RNASE11: variants seen among roughly 807,000 people sequenced by gnomAD.
The protein encoded by RNASE11 is putative inactive ribonuclease 11.
For synonymous variants in RNASE11, 105 were observed against 86.1 expected, an observed-to-expected ratio of 1.22 and a Z score of -1.21; for missense variants, 252 against 237.8, an observed-to-expected ratio of 1.06 and a Z score of -0.39.
At chr14:20,583,920 T>C in exon 2 of RNASE11, 3 of 1,614,022 alleles carry the variant, frequency 1.9e-6, no homozygotes, top group South Asian at 2.2e-5. Context: ...GAGAATGACC[T>C]GTCAGCACTG....
upstream of RNASE11, chr14:20,590,172 CT>C (rs1884536755): frequency 6.6e-7 from 1 of 1,510,372 alleles, no homozygotes. Context: ...GTGGCTTCCC[CT>C]TCCGCTCAAG....
chr14:20,583,287 G>C (rs922324681), downstream of RNASE11: 5 of 152,318 alleles, frequency 3.3e-5, no homozygotes, highest in African/African-American at 1.2e-4. Flanking sequence ...AAATAGAGAT[G>C]GGGGTGGAAG....
At position 20,584,851 on chromosome 14, in the gene RNASE11, T is replaced by C. The variant is rs556347230; in HGVS notation, c.-22-355A>G. ...TCATTGGTGGGGTGTATAATCTCCA[T>C]GGTGGGTCACGATTCTCACTCAACA... On this transcript the variant is annotated intron_variant, in intron 1 of 1. Transcript: ENST00000553849. Among the ~76,000 whole-genome samples, 9 of 152,336 alleles carry C rather than the reference T, an allele frequency of 5.9e-5. No individual in the cohort carries two copies. In the South Asian group the frequency reaches 1.9e-3, roughly 32 times the overall value.
Position 20,584,378 on chromosome 14 carries a change from C to A in RNASE11, c.97G>T (p.Glu33Ter). 6.2e-7 allele frequency: 1 copy of A among 1,614,122 alleles called. No homozygotes were observed. Among genetic ancestry groups the A allele is most frequent in the East Asian group, 2.2e-5 (1 of 44,890 alleles). Reference sequence around the variant, plus strand: ...TTTGCCATGTCATATTGCATCTCTTCGTCTGTAAATTCTTCTTTAATTATC... The same window carrying A: ...TTTGCCATGTCATATTGCATCTCTTAGTCTGTAAATTCTTCTTTAATTATC... The change falls in exon 2 of 2, where the codon GAA (glutamate) becomes TAA (stop). Residue 33 changes from glutamate (E) to a stop codon, truncating the protein, a stop_gained. Transcript: ENST00000553849. LOFTEE classifies it low-confidence loss of function (END_TRUNC).
At chr14:20,587,037 C>T (rs1884450057) in intron 1 of RNASE11, among the ~76,000 whole-genome samples, 2 of 152,166 alleles carry the variant, frequency 1.3e-5, no homozygotes, top group African/African-American at 4.8e-5. Context: ...CCTATAGTCC[C>T]AGCCACTCGG....
exon 2 of RNASE11, chr14:20,583,731 TG>T: frequency 1.3e-6 from 1 of 784,034 alleles, no homozygotes. Flanking sequence ...TCCACAATTT[TG>T]GATTTTTCAC....
At chr14:20,583,469 T>TCTCGGTG, downstream of RNASE11, 1 of 185,382 alleles carries the variant, frequency 5.4e-6, no homozygotes, top group Admixed American at 5.3e-5. Flanking sequence ...TAATAATATA[T>TCTCGGTG]GTCACACTCA....
In RNASE11 at chr14:20,583,944, T is replaced by C. The variant is rs142227946; in HGVS notation, c.531A>G (p.Leu177=). ...CTGTCAGCACTGTCAATATCTTCTC[T>C]AATGAGGTAACACTATGGTATTGGC... Residue 177 remains leucine (L), a synonymous_variant, in exon 2 of 2, where the codon TTA becomes TTG. Transcript: ENST00000553849. 1,091 of 1,614,158 alleles carry C rather than the reference T, an allele frequency of 6.8e-4. 10 individuals are homozygous for C. The African/African-American group carries it at 0.012, about 17-fold the overall frequency.
At chr14:20,586,410 C>A (rs937694280) in intron 1 of RNASE11, among the ~76,000 whole-genome samples, 13 of 151,882 alleles carry the variant, frequency 8.6e-5, no homozygotes, top group Admixed American at 7.9e-4. Context: ...CCTTCTTATA[C>A]CACTCATTTG....
chr14:20,587,720 A>T (rs1884465680), exon 1 of RNASE11: 12 of 985,436 alleles, frequency 1.2e-5, no homozygotes, highest in Non-Finnish European at 1.4e-5. Flanking sequence ...AAGCCATGAG[A>T]TGAGTAAGCG....
chr14:20,587,471 G>T, intron 1 of RNASE11, 92 bp downstream of exon 2: 1 of 492,726 alleles, frequency 2.0e-6, no homozygotes, highest in Non-Finnish European at 2.6e-6. Context: ...ATAGATGTAG[G>T]AACCTAAAGG....
intron 1 of RNASE11, 87 bp from the exon 3 acceptor site, chr14:20,584,583 A>T: frequency 8.9e-7 from 1 of 1,128,572 alleles, no homozygotes; most frequent in Non-Finnish European, 1.2e-6. Context: ...CCTGGTAGGG[A>T]CCCCTACATG....
chr14:20,587,946 G>A (rs1884470635), upstream of RNASE11: 1 of 689,122 alleles, frequency 1.5e-6, no homozygotes. Flanking sequence ...GACAGAGAGT[G>A]CTCTCCAAAG....
At chr14:20,584,810 C>T (rs538049199) in intron 1 of RNASE11, among the ~76,000 whole-genome samples, 159 of 152,270 alleles carry the variant, frequency 1.0e-3, no homozygotes, top group Admixed American at 3.1e-3. Flanking sequence ...TTATCCTTTT[C>T]CCTTGGTCTA....
At chr14:20,584,050 T>C in exon 2 of RNASE11, 1 of 1,614,210 alleles carries the variant, frequency 6.2e-7, no homozygotes, top group Non-Finnish European at 8.5e-7. Flanking sequence ...TATGCCAGGA[T>C]TCTGTACAAA....
intron 1 of RNASE11, among the ~76,000 whole-genome samples, chr14:20,586,705 A>G (rs1210866508): frequency 1.3e-5 from 2 of 152,358 alleles, no homozygotes; most frequent in East Asian, 3.9e-4. Flanking sequence ...TAGTGAGGTG[A>G]CAATAGGGAA....
At chr14:20,585,454 C>G (rs115745639) in intron 1 of RNASE11, among the ~76,000 whole-genome samples, 2 of 152,064 alleles carry the variant, frequency 1.3e-5, no homozygotes, top group African/African-American at 2.4e-5. Context: ...AAAAATTCCT[C>G]GAGCCTGAAA....
chr14:20,583,322 C>A, downstream of RNASE11: 1 of 153,810 alleles, frequency 6.5e-6, no homozygotes, highest in Non-Finnish European at 1.4e-5. Context: ...AGGGCTGGAG[C>A]TATTGACACT....
rs1566561901 is a variant in RNASE11 at position 20,584,291 on chromosome 14, TA to T, written c.183del (p.Asn61LysfsTer16). On this transcript the variant is annotated frameshift_variant, in exon 2 of 2. Coordinates refer to ENST00000553849, the Ensembl canonical transcript of RNASE11. LOFTEE classifies it low-confidence loss of function (END_TRUNC). ...TCATCCTTGGACATGCTGAGGCTGG[TA>T]TTTTTAACTAACAGGATCGGGTTCA... The T allele has an allele frequency of 1.2e-6, 2 of 1,614,208 alleles. No homozygotes were observed. Among genetic ancestry groups the T allele is most frequent in the Non-Finnish European group, 1.7e-6 (2 of 1,180,026 alleles).
Sources: gnomAD v4.1 joint callset for allele counts (sites outside exome capture counted in the v4.1 genomes callset) on GRCh38, gnomAD v4.1.1 for gene constraint, MANE v1.5 for transcripts, NCBI Gene and HGNC (gene_info 2026-07-23, HGNC 2026-07-21) for gene names.